USP24: variants seen among roughly 807,000 people sequenced by gnomAD.
USP24 encodes the protein ubiquitin specific peptidase 24.
A neutral mutation model predicts 361.6 loss-of-function variants in USP24; 97 were observed. The observed-to-expected ratio is 0.27, with a 90% CI of 0.23 to 0.32. The LOEUF is 0.32. Ranked by LOEUF, USP24 falls within the 10% of genes least tolerant of loss-of-function variation. The pLI, the probability that USP24 is intolerant of heterozygous loss-of-function variation, is 1.00. For synonymous variants in USP24, 1,098 were observed against 1,124.6 expected (o/e 0.98, Z 0.47); for missense variants, 2,353 against 3,165.6 (o/e 0.74, Z 6.16).
In USP24 at chr1:55,075,450, T is replaced by C; in HGVS notation, c.7447+7A>G. On this transcript the variant is annotated splice_region_variant and intron_variant, in intron 63 of 67. Coordinates refer to ENST00000294383, the MANE Select transcript of USP24 (RefSeq NM_015306.3). Reference sequence around the variant, plus strand: ...AGACATTTGTGCATAAGACCAGGCATACTTGCCTAGTAATCCATTTTCTGT... The same window carrying C: ...AGACATTTGTGCATAAGACCAGGCACACTTGCCTAGTAATCCATTTTCTGT... The C allele has an allele frequency of 1.9e-6, 3 of 1,597,130 alleles. No individual in the cohort carries two copies. The highest frequency in any genetic ancestry group is 2.6e-6 in the Non-Finnish European group (3 of 1,171,012).
At chr1:55,191,725 C>T (rs1035707194) in intron 1 of USP24, among the ~76,000 whole-genome samples, 9 of 151,990 alleles carry the variant, frequency 5.9e-5, no homozygotes, top group Admixed American at 1.3e-4. Flanking sequence ...CTCCTGACCT[C>T]GTGATCTGCC....
intron 23 of USP24, 47 bp from the exon 24 acceptor site, chr1:55,141,778 G>A: frequency 1.3e-6 from 2 of 1,492,454 alleles, no homozygotes. Context: ...TCTCAACCTG[G>A]ACTCTAGTGA....
Position 55,108,204 on chromosome 1 carries a change from A to G in USP24, c.4571-774T>C, listed in dbSNP as rs1645845686. Among the ~76,000 whole-genome samples the G allele has an allele frequency of 2.6e-5, 4 of 152,334 alleles. No individual in the cohort carries two copies. In the South Asian group the frequency reaches 8.3e-4, roughly 32 times the overall value. On this transcript the variant is annotated intron_variant, in intron 39 of 67. Coordinates refer to ENST00000294383, the MANE Select transcript of USP24 (RefSeq NM_015306.3). ...ATGAGGTCAGAAGTACAGCTGCCAG[A>G]GTCCAGGTTTCTAAACAATGTGCCA...
At chr1:55,148,413 G>A (rs1570544546) in intron 17 of USP24, 50 bp downstream of exon 17, 4 of 1,388,444 alleles carry the variant, frequency 2.9e-6, no homozygotes, top group East Asian at 2.5e-5. Context: ...TTTTGTTATT[G>A]TAAAAGTTAT....
At chr1:55,077,685 C>A (rs1402314557) in intron 61 of USP24, among the ~76,000 whole-genome samples, 1 of 152,100 alleles carries the variant, frequency 6.6e-6, no homozygotes, top group African/African-American at 2.4e-5. Context: ...GAACAAAGTA[C>A]ATAAAAAGTC....
chr1:55,135,724 AGAAATATATATAATAACCATAGGGG>A (rs1222439743), intron 28 of USP24, among the ~76,000 whole-genome samples: 4 of 152,226 alleles, frequency 2.6e-5, no homozygotes, highest in Non-Finnish European at 5.9e-5. Flanking sequence ...TTGGAATTAA[AGAAATATATATAATAACCATAGGGG>A]GAAATATATA....
At position 55,089,751 on chromosome 1, in the gene USP24, A is replaced by G. The variant is rs1411395742; in HGVS notation, c.6555-11T>C. ...TCTTCAGTATCAACCCTTTAAAAAA[A>G]AGCAGATACAGCAATGTTAGGAGCA... On this transcript the variant is annotated splice_polypyrimidine_tract_variant and intron_variant, in intron 54 of 67. Coordinates refer to ENST00000294383, the MANE Select transcript of USP24 (RefSeq NM_015306.3). The G allele has an allele frequency of 6.4e-7, 1 of 1,567,814 alleles. No individual in the cohort carries two copies. Among genetic ancestry groups the G allele is most frequent in the Non-Finnish European group, 8.7e-7 (1 of 1,153,370 alleles).
intron 2 of USP24, among the ~76,000 whole-genome samples, chr1:55,177,026 G>A (rs1650047028): frequency 1.3e-5 from 2 of 151,654 alleles, no homozygotes; most frequent in African/African-American, 4.8e-5. Flanking sequence ...GGGAGGTTGA[G>A]GCTGCAGTGA....
chr1:55,137,878 A>C lies in USP24; in HGVS notation c.2955T>G (p.Ser985Arg). The C allele has an allele frequency of 6.3e-7, 1 of 1,593,204 alleles. No individual in the cohort carries two copies. The highest frequency in any genetic ancestry group is 1.1e-5 in the South Asian group (1 of 88,126). ...ACTGCTTGGCTATTTTCCACCGGAC[A>C]CTCCCTATGGTTTCATTACTGTGAG... The part of the protein sequence containing the change: ...VEAHSNETIG[S>R]VRWKIAKQLC... The change falls in exon 27 of 68, where the codon AGT becomes AGG. Residue 985 changes from serine (S) to arginine (R), a missense_variant. Ser to Arg is a moderately radical substitution (Grantham distance 110, BLOSUM62 -1). Around this residue, in one of 8 missense-constraint regions of USP24, gnomAD observed 949 missense variants for 1,280.5 expected, o/e 0.74. Coordinates refer to ENST00000294383, the MANE Select transcript of USP24 (RefSeq NM_015306.3).
rs949818175 is a variant in USP24 at position 55,101,437 on chromosome 1, T to C, written c.5145+147A>G. On this transcript the variant is annotated intron_variant, in intron 43 of 67. Transcript: ENST00000294383. ...TAAAAATGTGTGATTATACACAACA[T>C]GTCTTTACACATTTCAGGAGCTACT... 15 of 1,105,552 alleles carry C rather than the reference T, an allele frequency of 1.4e-5. No homozygotes were observed. In the Admixed American group the frequency reaches 2.2e-4, roughly 16 times the overall value. 68.5% of individuals were successfully genotyped at this position (1,105,552 alleles called of 1,614,324 possible).
intron 5 of USP24, among the ~76,000 whole-genome samples, chr1:55,168,611 C>T (rs191309069): frequency 1.6e-4 from 25 of 152,034 alleles, no homozygotes; most frequent in Admixed American, 5.2e-4. Flanking sequence ...GGAAATGCAA[C>T]GCAAAGCTGG....
At chr1:55,180,251 T>G (rs1315675711) in intron 1 of USP24, among the ~76,000 whole-genome samples, 1 of 152,158 alleles carries the variant, frequency 6.6e-6, no homozygotes, top group Non-Finnish European at 1.5e-5. Flanking sequence ...CCTCGGTGAA[T>G]AGAATACAGC....
intron 40 of USP24, 95 bp downstream of exon 40, chr1:55,107,144 A>C: frequency 7.1e-7 from 1 of 1,416,804 alleles, no homozygotes; most frequent in Non-Finnish European, 9.5e-7. Context: ...TCCATGGAAC[A>C]CTTGGCATCT....
chr1:55,144,933 TCAAA>T (rs1297122172), intron 20 of USP24, among the ~76,000 whole-genome samples: 3 of 152,034 alleles, frequency 2.0e-5, no homozygotes, highest in East Asian at 3.9e-4. Flanking sequence ...AGACTCCATC[TCAAA>T]CAAACAAACC....
chr1:55,091,016 A>AG, intron 54 of USP24, among the ~76,000 whole-genome samples: 1 of 152,304 alleles, frequency 6.6e-6, no homozygotes, highest in South Asian at 2.1e-4. Flanking sequence ...CCCGGGACAC[A>AG]GAGGTTGCAG....
chr1:55,080,808 A>C (rs189836311), intron 59 of USP24, among the ~76,000 whole-genome samples: 8 of 152,330 alleles, frequency 5.3e-5, no homozygotes, highest in Admixed American at 3.9e-4. Context: ...ACAAAATGGA[A>C]AATGCTACCA....
chr1:55,159,717 C>T, intron 8 of USP24, 32 bp from the exon 9 acceptor site: 2 of 1,530,884 alleles, frequency 1.3e-6, no homozygotes, highest in African/African-American at 1.4e-5. Context: ...GTTAAGAACT[C>T]CCGAAGCTGT....
intron 11 of USP24, 88 bp downstream of exon 11, chr1:55,157,168 C>A: frequency 1.5e-6 from 2 of 1,349,284 alleles, no homozygotes; most frequent in South Asian, 2.6e-5. Context: ...CTAATACAGT[C>A]AAAGCAACAA....
chr1:55,210,375 A>G (rs1644820181), intron 1 of USP24, among the ~76,000 whole-genome samples: 1 of 151,222 alleles, frequency 6.6e-6, no homozygotes, highest in African/African-American at 2.5e-5. Flanking sequence ...TAAAGCCTTT[A>G]AAGGGCCTTT....
Sources: gnomAD v4.1 joint callset for allele counts (sites outside exome capture counted in the v4.1 genomes callset) on GRCh38, gnomAD v4.1.1 for gene constraint, gnomAD v4.1.1 regional missense constraint, MANE v1.5 for transcripts, NCBI Gene and HGNC (gene_info 2026-07-23, HGNC 2026-07-21) for gene names.